Variants in GOLGA5 observed in about 807,000 individuals in gnomAD.
The protein encoded by GOLGA5 is golgin A5.
Under a neutral mutation model 93.5 loss-of-function variants are expected in GOLGA5, and 50 were observed. That is an observed-to-expected ratio of 0.53 (90% confidence interval 0.43 to 0.68). The LOEUF (loss-of-function observed/expected upper bound fraction) is 0.68. Ranked by LOEUF, GOLGA5 falls within the 30% of genes least tolerant of loss-of-function variation. The pLI is 0.00. For synonymous variants in GOLGA5, 312 were observed against 304.5 expected, an observed-to-expected ratio of 1.02 and a Z score of -0.26; for missense variants, 760 against 856.4, an observed-to-expected ratio of 0.89 and a Z score of 1.40.
chr14:92,824,903 C>T (rs1449764126), intron 9 of GOLGA5, among the ~76,000 whole-genome samples: 1 of 152,224 alleles, frequency 6.6e-6, no homozygotes. Context: ...CCCGAAATTT[C>T]AGACCTTTGA....
Position 92,806,952 on chromosome 14 carries a change from A to G in GOLGA5, c.761A>G (p.Glu254Gly). ...GCCTCGTTACTCCAAAGATCCAAAG[A>G]GACTCAAGAAGGTAGAGGCTTAAAT... is the stretch of plus-strand genomic sequence containing the variant. ...EMASLLQRSKETQEELNKARA... is the reference protein window; with the variant it reads ...EMASLLQRSKGTQEELNKARA... The change falls in exon 3 of 13, where the codon GAG becomes GGG. Residue 254 changes from glutamate (E) to glycine (G), a missense_variant. Transcript: ENST00000163416. The G allele has an allele frequency of 6.3e-7, 1 of 1,585,576 alleles. No homozygotes were observed. The highest frequency in any genetic ancestry group is 8.7e-7 in the Non-Finnish European group (1 of 1,153,846).
At chr14:92,805,110 A>G (rs1884957184) in intron 2 of GOLGA5, among the ~76,000 whole-genome samples, 1 of 152,118 alleles carries the variant, frequency 6.6e-6, no homozygotes, top group African/African-American at 2.4e-5. Flanking sequence ...CCACACCTTT[A>G]CCGTGTTATA....
chr14:92,813,669 G>A (rs1885147343), intron 6 of GOLGA5, among the ~76,000 whole-genome samples: 1 of 152,328 alleles, frequency 6.6e-6, no homozygotes, highest in Non-Finnish European at 1.5e-5. Context: ...TGTGAGAACT[G>A]TGGCAGCCTG....
chr14:92,805,580 A>G (rs886258728), intron 2 of GOLGA5, among the ~76,000 whole-genome samples: 1 of 152,212 alleles, frequency 6.6e-6, no homozygotes, highest in Non-Finnish European at 1.5e-5. Context: ...CTTTTCCCCC[A>G]GTGATTGTAC....
chr14:92,838,213 G>A (rs1885686415), intron 12 of GOLGA5, among the ~76,000 whole-genome samples: 2 of 152,142 alleles, frequency 1.3e-5, no homozygotes, highest in South Asian at 4.1e-4. Flanking sequence ...CATGTACCGT[G>A]TGCCTAAAAA....
At chr14:92,801,822 A>T (rs1472534271) in intron 2 of GOLGA5, among the ~76,000 whole-genome samples, 4 of 149,610 alleles carry the variant, frequency 2.7e-5, no homozygotes, top group African/African-American at 9.9e-5. Flanking sequence ...TTGCAGTACC[A>T]CCTGTCTTAT....
chr14:92,833,645 T>C, intron 10 of GOLGA5, among the ~76,000 whole-genome samples: 1 of 152,222 alleles, frequency 6.6e-6, no homozygotes, highest in Admixed American at 6.5e-5. Context: ...AGAGGAGCTT[T>C]CAGGACACTT....
chr14:92,835,964 C>G (rs1386059787), intron 11 of GOLGA5, among the ~76,000 whole-genome samples: 1 of 60,078 alleles, frequency 1.7e-5, no homozygotes, highest in East Asian at 5.3e-4. Flanking sequence ...ATAATAAATT[C>G]TATTTTTAAA....
intron 12 of GOLGA5, 42 bp from the exon 13 acceptor site, chr14:92,839,324 T>C (rs1240847439): frequency 2.3e-6 from 3 of 1,325,436 alleles, no homozygotes; most frequent in African/African-American, 2.9e-5. Flanking sequence ...TGGTAAAAAT[T>C]GGTTTATTGG....
In GOLGA5 at chr14:92,802,508, C is replaced by T. The variant is rs545071337; in HGVS notation, c.545-4228C>T. Reference sequence around the variant, plus strand: ...CTTTTCTTCATTGGCTAGGACTCAACGACCAGTTTTGTATCTTGTTCTTTG... The same window carrying T: ...CTTTTCTTCATTGGCTAGGACTCAATGACCAGTTTTGTATCTTGTTCTTTG... On this transcript the variant is annotated intron_variant, in intron 2 of 12. Transcript: ENST00000163416. Among the ~76,000 whole-genome samples, 8 of 152,084 alleles carry T rather than the reference C, an allele frequency of 5.3e-5. No homozygotes were observed. In the East Asian group the frequency reaches 7.7e-4, roughly 15 times the overall value.
intron 2 of GOLGA5, among the ~76,000 whole-genome samples, chr14:92,802,303 TG>T (rs1269408910): frequency 6.6e-6 from 1 of 152,238 alleles, no homozygotes; most frequent in Non-Finnish European, 1.5e-5. Context: ...TTCCTTAAAA[TG>T]TTTTGCTTTG....
intron 12 of GOLGA5, among the ~76,000 whole-genome samples, chr14:92,837,994 C>T (rs1885681540): frequency 6.6e-6 from 1 of 152,208 alleles, no homozygotes; most frequent in South Asian, 2.1e-4. Flanking sequence ...AAATTAAACG[C>T]AGTCTAATAG....
In GOLGA5 at chr14:92,797,542, A is replaced by T. The variant is rs563117542; in HGVS notation, c.105A>T (p.Ile35=). The change falls in exon 2 of 13, where the codon ATA becomes ATT. Residue 35 remains isoleucine, a synonymous_variant. Coordinates refer to ENST00000163416, the MANE Select transcript of GOLGA5 (RefSeq NM_005113.4). The part of the protein sequence containing the change: ...ALSRKDNASN[I]YSKNTDYTEL... ...GTAGGAAAGACAATGCCAGCAACAT[A>T]TATAGCAAAAATACTGACTATACTG... 1.2e-6 allele frequency: 2 copies of T among 1,613,168 alleles called. No homozygotes were observed. Among genetic ancestry groups the T allele is most frequent in the Non-Finnish European group, 1.7e-6 (2 of 1,179,088 alleles).
At chr14:92,797,366 C>A in intron 1 of GOLGA5, 42 bp from the exon 2 acceptor site, 1 of 1,153,302 alleles carries the variant, frequency 8.7e-7, no homozygotes. Flanking sequence ...TTATCATACT[C>A]TGCCACTATG....
In GOLGA5 at chr14:92,806,763, A is replaced by G; in HGVS notation, c.572A>G (p.His191Arg). 1 of 1,613,692 alleles carries G rather than the reference A, an allele frequency of 6.2e-7. No individual in the cohort carries two copies. The highest frequency in any genetic ancestry group is 8.5e-7 in the Non-Finnish European group (1 of 1,179,574). ...GCTGCCAGTAACTCAGATTCTAGCC[A>G]TGAAGGTCAAGAGGAATCTTCAAAG... ...HEAASNSDSS[H>R]EGQEESSKEN... Residue 191 changes from histidine (H) to arginine (R), a missense_variant, in exon 3 of 13, where the codon CAT (histidine) becomes CGT (arginine). Physicochemically the swap from His to Arg is conservative, Grantham distance 29. Transcript: ENST00000163416.
At position 92,816,263 on chromosome 14, in the gene GOLGA5, T is replaced by A. The variant is rs768873660; in HGVS notation, c.1333T>A (p.Leu445Met). 2 of 1,611,076 alleles carry A rather than the reference T, an allele frequency of 1.2e-6. No individual in the cohort carries two copies. The highest frequency in any genetic ancestry group is 1.7e-6 in the Non-Finnish European group (2 of 1,178,154). The change falls in exon 7 of 13, where the codon TTG becomes ATG. Residue 445 changes from leucine to methionine, a missense_variant. Coordinates refer to ENST00000163416, the MANE Select transcript of GOLGA5 (RefSeq NM_005113.4). The part of the protein sequence containing the change: ...ATRILQSKEK[L>M]INSLKEGSGF... ...TCTTTTATAATAGTCTAAGGAAAAATTGATTAACAGCTTGAAAGAAGGCTC... is the reference window on the plus strand; with the variant it reads ...TCTTTTATAATAGTCTAAGGAAAAAATGATTAACAGCTTGAAAGAAGGCTC...
At position 92,805,704 on chromosome 14, in the gene GOLGA5, T is replaced by C. The variant is rs147050724; in HGVS notation, c.545-1032T>C. Among the ~76,000 whole-genome samples, 51 of 152,296 alleles carry C rather than the reference T, an allele frequency of 3.3e-4. No individual in the cohort carries two copies. In the East Asian group the frequency reaches 7.5e-3, roughly 22 times the overall value. On this transcript the variant is annotated intron_variant, in intron 2 of 12. Coordinates refer to ENST00000163416, the MANE Select transcript of GOLGA5 (RefSeq NM_005113.4). ...GTGTCTGTTGGTTCTCATTGTGATT[T>C]TAATTTGCATTTCCTTGATGACTAA... is the stretch of plus-strand genomic sequence containing the variant.
chr14:92,816,111 G>A, intron 6 of GOLGA5, 140 bp from the exon 7 acceptor site: 1 of 613,856 alleles, frequency 1.6e-6, no homozygotes, highest in Non-Finnish European at 2.9e-6. Flanking sequence ...TTTATCCTTA[G>A]GGATTTAAGA....
chr14:92,814,561 T>A lies in GOLGA5; in HGVS notation c.1321-1690T>A, dbSNP rs527340404. 3.9e-5 allele frequency among the ~76,000 whole-genome samples: 6 copies of A among 152,166 alleles called. No individual in the cohort carries two copies. The South Asian group carries it at 6.2e-4, about 16-fold the overall frequency. ...GGGAATGAGGTTGGGAGGTTTCTGG[T>A]TTTTTATTAAAAAAAATCTTAAAAT... On this transcript the variant is annotated intron_variant, in intron 6 of 12. Transcript: ENST00000163416.
Sources: gnomAD v4.1 joint callset for allele counts (sites outside exome capture counted in the v4.1 genomes callset) on GRCh38, gnomAD v4.1.1 for gene constraint, MANE v1.5 for transcripts, NCBI Gene and HGNC (gene_info 2026-07-23, HGNC 2026-07-21) for gene names.